Variants in SLCO1B1 observed in about 807,000 individuals in gnomAD.
SLCO1B1 encodes solute carrier organic anion transporter family member 1B1, also known as OATP-2.
A neutral mutation model predicts 70.1 loss-of-function variants in SLCO1B1; 81 were observed. The observed-to-expected ratio is 1.16, with a 90% CI of 0.97 to 1.39. SLCO1B1 has a LOEUF of 1.39. SLCO1B1 is among the 40% of genes most tolerant of loss of function. SLCO1B1 has a pLI of 0.00. For synonymous variants in SLCO1B1, 283 were observed against 271.5 expected, an observed-to-expected ratio of 1.04 and a Z score of -0.42; for missense variants, 895 against 799.6, an observed-to-expected ratio of 1.12 and a Z score of -1.44.
chr12:21,142,115 A>G (rs1044765052), intron 2 of SLCO1B1, among the ~76,000 whole-genome samples: 3 of 151,620 alleles, frequency 2.0e-5, no homozygotes, highest in Non-Finnish European at 4.4e-5. Context: ...TCTGATAAGT[A>G]ATTTAGGCTC....
intron 2 of SLCO1B1, among the ~76,000 whole-genome samples, chr12:21,147,070 G>T (rs2121050883): frequency 6.6e-6 from 1 of 152,084 alleles, no homozygotes; most frequent in African/African-American, 2.4e-5. Context: ...ATTTCTACTG[G>T]CTTTTACTTC....
At chr12:21,213,387 T>C (rs969025766) in intron 11 of SLCO1B1, among the ~76,000 whole-genome samples, 19 of 152,066 alleles carry the variant, frequency 1.2e-4, no homozygotes, top group Non-Finnish European at 2.1e-4. Context: ...ATGTTGAATA[T>C]TGGCCCCCAC....
Position 21,178,727 on chromosome 12 carries a change from T to C in SLCO1B1, c.628+5T>C. 1.9e-6 allele frequency: 3 copies of C among 1,597,406 alleles called. No homozygotes were observed. Among genetic ancestry groups the C allele is most frequent in the South Asian group, 2.2e-5 (2 of 90,914 alleles). ...GACATTCTTCTTTGTATTTAGGTAA[T>C]GTACACAAAATATTAAATTGTATGA... On this transcript the variant is annotated splice_donor_5th_base_variant and intron_variant, in intron 6 of 14. Transcript: ENST00000256958.
chr12:21,221,387 T>C (rs1430944754), intron 12 of SLCO1B1, among the ~76,000 whole-genome samples: 1 of 151,984 alleles, frequency 6.6e-6, no homozygotes, highest in Non-Finnish European at 1.5e-5. Flanking sequence ...TGTTCACTGA[T>C]GATATGCAAC....
At position 21,203,146 on chromosome 12, in the gene SLCO1B1, G is replaced by A. The variant is rs535869016; in HGVS notation, c.1331+460G>A. Among the ~76,000 whole-genome samples, 18 of 152,126 alleles carry A rather than the reference G, an allele frequency of 1.2e-4. No individual in the cohort carries two copies. The South Asian group carries it at 3.7e-3, about 32-fold the overall frequency. On this transcript the variant is annotated intron_variant, in intron 10 of 14. Coordinates refer to ENST00000256958, the MANE Select transcript of SLCO1B1 (RefSeq NM_006446.5). ...AGTGACTAAACAACTTTTATCTACA[G>A]TTCATATCGATGTTCAACAACTATC...
chr12:21,181,243 TA>T (rs1398706536), intron 7 of SLCO1B1, among the ~76,000 whole-genome samples: 3 of 152,180 alleles, frequency 2.0e-5, no homozygotes, highest in African/African-American at 7.2e-5. Context: ...TTTCAATTTT[TA>T]AGACTGTGAG....
At chr12:21,197,537 A>C (rs542567753) in intron 8 of SLCO1B1, among the ~76,000 whole-genome samples, 1 of 152,234 alleles carries the variant, frequency 6.6e-6, no homozygotes, top group African/African-American at 2.4e-5. Context: ...CATTTATTCA[A>C]CAAGTAGTAC....
chr12:21,165,367 T>C (rs1174078746), intron 2 of SLCO1B1, among the ~76,000 whole-genome samples: 1 of 152,110 alleles, frequency 6.6e-6, no homozygotes, highest in East Asian at 1.9e-4. Flanking sequence ...GGTTATTATG[T>C]AGCTAGCACT....
chr12:21,159,013 T>A (rs1211438195), intron 2 of SLCO1B1, among the ~76,000 whole-genome samples: 1 of 152,156 alleles, frequency 6.6e-6, no homozygotes, highest in Non-Finnish European at 1.5e-5. Context: ...GATATTCTAC[T>A]AACTGAATTG....
At chr12:21,231,169 C>T (rs576596727) in intron 14 of SLCO1B1, among the ~76,000 whole-genome samples, 2 of 152,098 alleles carry the variant, frequency 1.3e-5, no homozygotes, top group South Asian at 2.1e-4. Flanking sequence ...TTTTTTATGG[C>T]TGCATAGTAT....
rs1941143948 is a variant in SLCO1B1, at chr12:21,200,503, T to C, written c.971-5T>C. 1 of 1,551,494 alleles carries C rather than the reference T, an allele frequency of 6.4e-7. No individual in the cohort carries two copies. Among genetic ancestry groups the C allele is most frequent in the African/African-American group, 1.4e-5 (1 of 72,556 alleles). On this transcript the variant is annotated splice_polypyrimidine_tract_variant and splice_region_variant and intron_variant, in intron 8 of 14. Transcript: ENST00000256958. Reference sequence around the variant, plus strand: ...AATATTTTCTTTATTTTTACAATTTTACAGGTTTTTTCCAGTCTTTTAAAA... The same window carrying C: ...AATATTTTCTTTATTTTTACAATTTCACAGGTTTTTTCCAGTCTTTTAAAA...
At chr12:21,220,984 A>G (rs1057399435) in intron 12 of SLCO1B1, among the ~76,000 whole-genome samples, 1 of 152,142 alleles carries the variant, frequency 6.6e-6, no homozygotes, top group African/African-American at 2.4e-5. Context: ...CAACATATAT[A>G]AATCAATAAA....
intron 7 of SLCO1B1, among the ~76,000 whole-genome samples, chr12:21,194,914 C>T (rs767911858): frequency 5.9e-5 from 9 of 152,160 alleles, no homozygotes; most frequent in Non-Finnish European, 1.0e-4. Context: ...CAGGAGCAGG[C>T]ACATCACATG....
chr12:21,146,299 G>A (rs779897047), intron 2 of SLCO1B1, among the ~76,000 whole-genome samples: 24 of 151,744 alleles, frequency 1.6e-4, no homozygotes, highest in Admixed American at 3.3e-4. Flanking sequence ...TTATGTCCCC[G>A]CCTTTATTTC....
chr12:21,235,500 T>C (rs934104622), intron 14 of SLCO1B1, among the ~76,000 whole-genome samples: 9 of 150,754 alleles, frequency 6.0e-5, no homozygotes, highest in African/African-American at 2.2e-4. Flanking sequence ...TAATCCACTT[T>C]GCTACTCTAT....
intron 14 of SLCO1B1, among the ~76,000 whole-genome samples, chr12:21,237,719 A>ATT (rs35374921): frequency 0.13 from 18,779 of 147,484 alleles, 1,510 homozygotes; most frequent in Middle Eastern, 0.2. Context: ...ATTCTTAGTA[A>ATT]TTTTTTTTTT....
At chr12:21,238,871 T>C in intron 14 of SLCO1B1, 108 bp from the exon 15 acceptor site, 1 of 611,568 alleles carries the variant, frequency 1.6e-6, no homozygotes, top group Non-Finnish European at 2.8e-6. Context: ...TGTCTTAATA[T>C]TTTATTTATA....
intron 9 of SLCO1B1, among the ~76,000 whole-genome samples, chr12:21,201,072 A>G (rs1210048487): frequency 1.3e-5 from 2 of 152,142 alleles, no homozygotes; most frequent in Admixed American, 1.3e-4. Flanking sequence ...AGTTCCAAAA[A>G]GAGTATCGAT....
chr12:21,155,754 C>A (rs534787717), intron 2 of SLCO1B1, among the ~76,000 whole-genome samples: 1 of 152,268 alleles, frequency 6.6e-6, no homozygotes, highest in South Asian at 2.1e-4. Context: ...ACAAACATTT[C>A]TTTATCCATG....
Sources: gnomAD v4.1 joint callset for allele counts (sites outside exome capture counted in the v4.1 genomes callset) on GRCh38, gnomAD v4.1.1 for gene constraint, MANE v1.5 for transcripts, NCBI Gene and HGNC (gene_info 2026-07-23, HGNC 2026-07-21) for gene names.